Variants in PRKCA observed in about 807,000 individuals in gnomAD.
PRKCA encodes the protein protein kinase C alpha type.
In PRKCA, 27 loss-of-function variants were observed where a neutral mutation model predicts 87.0. That is an observed-to-expected ratio of 0.31 (90% CI 0.23 to 0.43). The LOEUF (loss-of-function observed/expected upper bound fraction) is 0.43, where lower values mean the gene tolerates loss of function less well. PRKCA is among the 20% of genes least tolerant of loss of function. The pLI, the probability that PRKCA is intolerant of heterozygous loss-of-function variation, is 1.00. For missense variants in PRKCA, 518 were observed against 852.3 expected, an observed-to-expected ratio of 0.61 and a Z score of 4.88; for synonymous variants, 329 against 311.1, an observed-to-expected ratio of 1.06 and a Z score of -0.61.
Position 66,580,932 on chromosome 17 carries a change from C to A in PRKCA, c.289-60423C>A, listed in dbSNP as rs531181424. 3.1e-4 allele frequency among the ~76,000 whole-genome samples: 47 copies of A among 151,710 alleles called. 1 individual carries two copies. Among genetic ancestry groups the A allele is most frequent in the Non-Finnish European group, 3.5e-4 (24 of 68,004 alleles). On this transcript the variant is annotated intron_variant, in intron 3 of 16. Transcript: ENST00000413366. ...TAGGTTTAAGATGAGATTTGTTGCCCCCCCCCATGCTCGATTTATCCCATG... is the reference window on the plus strand; with the variant it reads ...TAGGTTTAAGATGAGATTTGTTGCCACCCCCCATGCTCGATTTATCCCATG...
intron 2 of PRKCA, among the ~76,000 whole-genome samples, chr17:66,331,336 G>C (rs1267699582): frequency 1.3e-5 from 2 of 152,136 alleles, no homozygotes; most frequent in East Asian, 3.8e-4. Context: ...TTTATCTTCT[G>C]AAGACTCTGA....
chr17:66,443,731 G>A (rs549038687), intron 2 of PRKCA, among the ~76,000 whole-genome samples: 3 of 145,818 alleles, frequency 2.1e-5, no homozygotes, highest in South Asian at 2.2e-4. Flanking sequence ...AGTAAAGACC[G>A]CAGAGGATGG....
chr17:66,772,882 G>GT (rs879521050), intron 13 of PRKCA, among the ~76,000 whole-genome samples: 21 of 150,808 alleles, frequency 1.4e-4, no homozygotes, highest in East Asian at 2.0e-4. Context: ...TTATTGAAGT[G>GT]TTTTTTTTTA....
intron 3 of PRKCA, among the ~76,000 whole-genome samples, chr17:66,541,266 A>G (rs1167966497): frequency 2.0e-5 from 3 of 152,184 alleles, no homozygotes; most frequent in African/African-American, 7.2e-5. Context: ...TTAGCTGCAG[A>G]TTGTGGCTCA....
At chr17:66,743,327 CA>C (rs1188008583) in intron 13 of PRKCA, among the ~76,000 whole-genome samples, 3 of 152,142 alleles carry the variant, frequency 2.0e-5, no homozygotes, top group African/African-American at 7.2e-5. Context: ...TCTGTCCCCC[CA>C]AAAAAAGAAA....
intron 2 of PRKCA, among the ~76,000 whole-genome samples, chr17:66,356,508 G>T (rs900409699): frequency 2.0e-5 from 3 of 152,078 alleles, no homozygotes; most frequent in Admixed American, 1.3e-4. Context: ...GGTGTCGGGT[G>T]CCTGTAGTCC....
In PRKCA at chr17:66,806,087, A is replaced by C. The variant is rs775530772; in HGVS notation, c.*2050A>C. ...GGGAGGAGCGCGCTGCTTTGGTGAG[A>C]CACCCCCATGCAAGGTCCTCAGAGT... On this transcript the variant is annotated 3_prime_UTR_variant, in exon 17 of 17. Transcript: ENST00000413366. The C allele has an allele frequency of 1.3e-5, 2 of 152,278 alleles. No homozygotes were observed. The highest frequency in any genetic ancestry group is 2.4e-5 in the African/African-American group (1 of 41,442). The allele number at this position is 152,278 out of a possible 1,614,324, so 9.4% of individuals were successfully genotyped here.
chr17:66,788,758 G>A, intron 15 of PRKCA, 81 bp from the exon 16 acceptor site: 3 of 1,517,552 alleles, frequency 2.0e-6, no homozygotes, highest in African/African-American at 1.4e-5. Flanking sequence ...AGGGCTGTAG[G>A]CAGAGCTAGG....
chr17:66,759,000 T>A (rs1484437228), intron 13 of PRKCA, among the ~76,000 whole-genome samples: 3 of 152,094 alleles, frequency 2.0e-5, no homozygotes, highest in Non-Finnish European at 4.4e-5. Context: ...GAGGGAAGAA[T>A]TAGGATTATT....
intron 3 of PRKCA, among the ~76,000 whole-genome samples, chr17:66,555,564 T>A (rs1316291784): frequency 6.6e-6 from 1 of 152,184 alleles, no homozygotes; most frequent in African/African-American, 2.4e-5. Flanking sequence ...CTTGGAAGTA[T>A]ATCTTGTAGA....
chr17:66,624,346 A>T (rs1248856283), intron 3 of PRKCA, among the ~76,000 whole-genome samples: 1 of 152,158 alleles, frequency 6.6e-6, no homozygotes, highest in East Asian at 1.9e-4. Context: ...CCAGACTCTG[A>T]AACTCTCTCT....
In PRKCA at chr17:66,312,578, A is replaced by G. The variant is rs766941195; in HGVS notation, c.205+6451A>G. 5.3e-5 allele frequency among the ~76,000 whole-genome samples: 8 copies of G among 152,122 alleles called. 1 individual carries two copies. The highest frequency in any genetic ancestry group is 1.0e-4 in the Non-Finnish European group (7 of 68,024). On this transcript the variant is annotated intron_variant, in intron 2 of 16. Coordinates refer to ENST00000413366, the MANE Select transcript of PRKCA (RefSeq NM_002737.3). ...TCTTCCTATCCCTGGGTCATTGTGA[A>G]TAAGTTGCAGTTTCCCAGAAAGTGC...
chr17:66,729,893 C>T (rs988269934), intron 8 of PRKCA, among the ~76,000 whole-genome samples: 4 of 146,652 alleles, frequency 2.7e-5, no homozygotes, highest in Non-Finnish European at 6.0e-5. Flanking sequence ...CCAGTTCAAG[C>T]AATTCTCCTG....
chr17:66,420,327 G>A (rs1912418244), intron 2 of PRKCA, among the ~76,000 whole-genome samples: 1 of 152,100 alleles, frequency 6.6e-6, no homozygotes, highest in Admixed American at 6.5e-5. Flanking sequence ...TGTTCTTAAA[G>A]TTTATGAAGC....
At chr17:66,521,559 CT>C (rs761038307) in intron 3 of PRKCA, among the ~76,000 whole-genome samples, 7 of 151,624 alleles carry the variant, frequency 4.6e-5, no homozygotes, top group African/African-American at 1.2e-4. Context: ...TAAACTGTGA[CT>C]TTTTTTTTCC....
At chr17:66,761,803 A>T (rs1226628590) in intron 13 of PRKCA, among the ~76,000 whole-genome samples, 1 of 152,010 alleles carries the variant, frequency 6.6e-6, no homozygotes, top group African/African-American at 2.4e-5. Context: ...ACATAGTAAG[A>T]TCCTTGATCT....
chr17:66,333,786 C>T (rs1352265193), intron 2 of PRKCA, among the ~76,000 whole-genome samples: 1 of 152,090 alleles, frequency 6.6e-6, no homozygotes, highest in Non-Finnish European at 1.5e-5. Flanking sequence ...TCTAGTCTTT[C>T]TTCCTACTGG....
chr17:66,332,636 A>G (rs535991188), intron 2 of PRKCA, among the ~76,000 whole-genome samples: 2 of 152,070 alleles, frequency 1.3e-5, no homozygotes, highest in African/African-American at 4.8e-5. Flanking sequence ...CATCCACATT[A>G]GGTCCATTCT....
intron 3 of PRKCA, among the ~76,000 whole-genome samples, chr17:66,535,742 A>T (rs1361940424): frequency 6.6e-6 from 1 of 152,196 alleles, no homozygotes; most frequent in Non-Finnish European, 1.5e-5. Flanking sequence ...TCACAACAAG[A>T]TTTAAACAAT....
Sources: allele counts gnomAD v4.1 joint callset (sites outside exome capture counted in the v4.1 genomes callset), GRCh38; gene constraint gnomAD v4.1.1; transcripts MANE v1.5; gene names NCBI Gene and HGNC (gene_info 2026-07-23, HGNC 2026-07-21).